The following CSMD2 variants were observed in gnomAD, a reference collection of about 807,000 sequenced individuals.
CSMD2 encodes the protein CUB and Sushi multiple domains 2.
In CSMD2, 130 loss-of-function variants were observed where a neutral mutation model predicts 398.5. That is an observed-to-expected ratio of 0.33 (90% CI 0.28 to 0.38). The LOEUF (loss-of-function observed/expected upper bound fraction) is 0.38, where lower values mean the gene tolerates loss of function less well. Ranked by LOEUF, CSMD2 falls within the 10% of genes least tolerant of loss-of-function variation. The pLI, the probability that CSMD2 is intolerant of heterozygous loss-of-function variation, is 1.00. For missense variants in CSMD2, 3,829 were observed against 4,764.9 expected (o/e 0.80, Z 5.78); for synonymous variants, 1,828 against 1,908.5 (o/e 0.96, Z 1.10).
intron 4 of CSMD2, among the ~76,000 whole-genome samples, chr1:33,926,994 C>T (rs1426207221): frequency 1.3e-5 from 2 of 152,138 alleles, no homozygotes; most frequent in Non-Finnish European, 2.9e-5. Flanking sequence ...GATTTGGGGT[C>T]CTTGGAATTG....
At chr1:34,154,884 C>T (rs901691511) in intron 1 of CSMD2, among the ~76,000 whole-genome samples, 8 of 152,170 alleles carry the variant, frequency 5.3e-5, no homozygotes, top group South Asian at 2.1e-4. Context: ...CACACCACCA[C>T]GCCTGGCTAA....
chr1:34,006,412 T>C (rs1647057875), intron 3 of CSMD2, among the ~76,000 whole-genome samples: 1 of 151,996 alleles, frequency 6.6e-6, no homozygotes. Context: ...TTCCACCCCA[T>C]CCCACCCCAG....
intron 2 of CSMD2, among the ~76,000 whole-genome samples, chr1:34,054,941 C>T (rs770790978): frequency 1.4e-4 from 22 of 152,046 alleles, no homozygotes; most frequent in Non-Finnish European, 2.5e-4. Context: ...TTTTCTAAGT[C>T]ATTTTCAAAA....
chr1:33,877,617 C>T (rs1640929726), intron 5 of CSMD2, among the ~76,000 whole-genome samples: 1 of 152,172 alleles, frequency 6.6e-6, no homozygotes, highest in Admixed American at 6.5e-5. Context: ...CTGTGAAAGG[C>T]AGACAAGACA....
intron 47 of CSMD2, 100 bp downstream of exon 47, chr1:33,583,542 G>A (rs1638870345): frequency 1.7e-6 from 2 of 1,211,100 alleles, no homozygotes; most frequent in South Asian, 1.4e-5. Context: ...TGGAGCTTCT[G>A]GCAAGCCCTG....
intron 3 of CSMD2, among the ~76,000 whole-genome samples, chr1:33,946,655 G>A (rs1570592334): frequency 1.4e-5 from 2 of 146,152 alleles, no homozygotes; most frequent in Non-Finnish European, 3.0e-5. Context: ...GTCTTACTCT[G>A]TCGCCCAGGG....
chr1:33,642,617 T>G (rs1371726781), intron 29 of CSMD2, among the ~76,000 whole-genome samples: 2 of 152,222 alleles, frequency 1.3e-5, no homozygotes, highest in Non-Finnish European at 2.9e-5. Context: ...TGGGCTCTTG[T>G]ATTCTAAAAG....
intron 5 of CSMD2, among the ~76,000 whole-genome samples, chr1:33,870,000 CA>C (rs1640342022): frequency 1.3e-5 from 2 of 152,200 alleles, no homozygotes; most frequent in African/African-American, 4.8e-5. Context: ...GCAAAACAAT[CA>C]ACTGGCATCC....
rs994445820 is a variant in CSMD2, at chr1:33,610,897, G to A, written c.6343+144C>T. On this transcript the variant is annotated intron_variant, in intron 41 of 70. Transcript: ENST00000373381. ...GGTCCGGAGAGATCTGCCACCAAAA[G>A]GAAGCTTCCCTGACTGGGCCTGCCA... is the stretch of plus-strand genomic sequence containing the variant. 6.9e-6 allele frequency: 5 copies of A among 725,854 alleles called. No individual in the cohort carries two copies. The African/African-American group carries it at 8.9e-5, about 13-fold the overall frequency. 45.0% of individuals were successfully genotyped at this position (725,854 alleles called of 1,614,324 possible). A position where few individuals can be genotyped will look rare whatever the true frequency, so the allele number is the denominator to read the frequency against.
intron 25 of CSMD2, among the ~76,000 whole-genome samples, chr1:33,680,918 C>CTTTTTTTGTTTT (rs1644888298): frequency 1.3e-5 from 1 of 75,932 alleles, no homozygotes; most frequent in Admixed American, 2.3e-4. Context: ...CTGTTTTATG[C>CTTTTTTTGTTTT]TTTTTTTTTT....
intron 1 of CSMD2, among the ~76,000 whole-genome samples, chr1:34,118,605 G>T (rs1441552626): frequency 1.3e-5 from 2 of 152,152 alleles, no homozygotes; most frequent in Admixed American, 1.3e-4. Flanking sequence ...TTCTATACAT[G>T]AACAATGAAC....
Position 33,678,672 on chromosome 1 carries a change from G to T in CSMD2, c.4052+14258C>A, listed in dbSNP as rs370360998. On this transcript the variant is annotated intron_variant, in intron 25 of 70. Transcript: ENST00000373381. ...TGTTTTATCAAATGCCCCCCTCTAA[G>T]CTGACCGAGCTGCAAACCAACAATT... 5.3e-5 allele frequency among the ~76,000 whole-genome samples: 8 copies of T among 152,248 alleles called. No homozygotes were observed. The East Asian group carries it at 1.5e-3, about 29-fold the overall frequency.
Position 33,625,060 on chromosome 1 carries a change from T to C in CSMD2, c.5491A>G (p.Thr1831Ala), listed in dbSNP as rs147684141. Residue 1831 changes from threonine (T) to alanine (A), a missense_variant, in exon 34 of 71, where the codon ACG becomes GCG. Physicochemically the swap from Thr to Ala is moderately conservative, Grantham distance 58. Coordinates refer to ENST00000373381, the MANE Select transcript of CSMD2 (RefSeq NM_001281956.2). ...GGTCCTGGTTACTCACCCACACACG[T>C]GGGCGCTGAGACATTCCATTGGGCC... ...ALAQWNVSAP[T>A]CVVPCGGNLT... 880 of 1,613,634 alleles carry C rather than the reference T, an allele frequency of 5.5e-4. 11 individuals carry two copies. Among genetic ancestry groups the C allele is most frequent in the South Asian group, 4.7e-3 (429 of 91,082 alleles).
chr1:33,902,289 C>T (rs917076011), intron 5 of CSMD2, among the ~76,000 whole-genome samples: 2 of 152,140 alleles, frequency 1.3e-5, no homozygotes, highest in African/African-American at 4.8e-5. Flanking sequence ...CATCTGGCTG[C>T]CTCTTCTTCC....
At position 33,698,878 on chromosome 1, in the gene CSMD2, C is replaced by A. The variant is rs1645510989; in HGVS notation, c.3800G>T (p.Gly1267Val). Residue 1267 changes from glycine to valine, a missense_variant, in exon 24 of 71, where the codon GGT becomes GTT. By Grantham distance (109) the Gly-to-Val change is moderately radical. Coordinates refer to ENST00000373381, the MANE Select transcript of CSMD2 (RefSeq NM_001281956.2). ...GGACACGGAGCTCCCTGCAAAATGA[C>A]CTTCATCATGAACCTTGTAGCCAAA... Reference protein sequence around the residue: ...PKFGYKVHDEGHFAGSSVSFS... With the variant: ...PKFGYKVHDEVHFAGSSVSFS... 3.7e-6 allele frequency: 6 copies of A among 1,614,068 alleles called. No homozygotes were observed. Among genetic ancestry groups the A allele is most frequent in the African/African-American group, 1.3e-5 (1 of 74,920 alleles).
chr1:33,720,703 T>C (rs1646332390), intron 19 of CSMD2, among the ~76,000 whole-genome samples: 1 of 152,156 alleles, frequency 6.6e-6, no homozygotes, highest in Admixed American at 6.5e-5. Flanking sequence ...TTTATTTTAT[T>C]TCTTATTTTT....
At chr1:33,622,370 G>T in intron 36 of CSMD2, 99 bp from the exon 37 acceptor site, 1 of 820,844 alleles carries the variant, frequency 1.2e-6, no homozygotes, top group Non-Finnish European at 2.1e-6. Context: ...CTGACATTCT[G>T]CTCCCAAGGC....
At chr1:34,004,088 A>C (rs370920652) in intron 3 of CSMD2, among the ~76,000 whole-genome samples, 1 of 152,226 alleles carries the variant, frequency 6.6e-6, no homozygotes, top group East Asian at 1.9e-4. Flanking sequence ...ACCTGAGTAC[A>C]GCCAAAAACA....
At chr1:33,820,120 T>C (rs1160590745) in intron 8 of CSMD2, among the ~76,000 whole-genome samples, 1 of 152,076 alleles carries the variant, frequency 6.6e-6, no homozygotes, top group African/African-American at 2.4e-5. Context: ...TAAGCGTGGG[T>C]GGATGATACC....
Sources: gnomAD v4.1 joint callset for allele counts (sites outside exome capture counted in the v4.1 genomes callset) on GRCh38, gnomAD v4.1.1 for gene constraint, MANE v1.5 for transcripts, NCBI Gene and HGNC (gene_info 2026-07-23, HGNC 2026-07-21) for gene names.